Variants in RAB3B observed in about 807,000 individuals in gnomAD.
The protein encoded by RAB3B is RAB3B, member RAS oncogene family, also known as ras-related protein Rab-3B.
Under a neutral mutation model 20.5 loss-of-function variants are expected in RAB3B, and 11 were observed. That is an observed-to-expected ratio of 0.54 (90% CI 0.34 to 0.89). The LOEUF is 0.89. Among genes scored for constraint, RAB3B ranks in the 40% least tolerant of loss-of-function variants. The pLI, the probability that RAB3B is intolerant of heterozygous loss-of-function variation, is 0.02. For synonymous variants in RAB3B, 99 were observed against 106.3 expected, an observed-to-expected ratio of 0.93 and a Z score of 0.42; for missense variants, 225 against 280.9, an observed-to-expected ratio of 0.80 and a Z score of 1.42.
chr1:51,925,869 G>A (rs1006460015), intron 4 of RAB3B, among the ~76,000 whole-genome samples: 2 of 152,186 alleles, frequency 1.3e-5, no homozygotes, highest in African/African-American at 4.8e-5. Context: ...GAATATTGAG[G>A]AAACCCAGAG....
intron 2 of RAB3B, among the ~76,000 whole-genome samples, chr1:51,949,088 C>A (rs373624349): frequency 2.6e-5 from 4 of 152,276 alleles, no homozygotes; most frequent in Admixed American, 2.6e-4. Context: ...AGATAAAGAC[C>A]CTTCAGGATC....
At chr1:51,937,630 T>C (rs1013384071) in intron 2 of RAB3B, among the ~76,000 whole-genome samples, 1 of 151,996 alleles carries the variant, frequency 6.6e-6, no homozygotes, top group African/African-American at 2.4e-5. Context: ...CCCGAGTGGC[T>C]GGGATTACAA....
intron 2 of RAB3B, among the ~76,000 whole-genome samples, chr1:51,954,422 C>T (rs1470484899): frequency 6.6e-6 from 1 of 152,206 alleles, no homozygotes; most frequent in Non-Finnish European, 1.5e-5. Flanking sequence ...CTTCTTTATG[C>T]TTGGCTGTGA....
chr1:51,976,184 G>A (rs1685006726), intron 2 of RAB3B, among the ~76,000 whole-genome samples: 1 of 140,322 alleles, frequency 7.1e-6, no homozygotes, highest in Non-Finnish European at 1.6e-5. Context: ...TTATTTATTT[G>A]AGATGGAGTC....
At chr1:51,956,515 A>C (rs1199459164) in intron 2 of RAB3B, among the ~76,000 whole-genome samples, 1 of 152,174 alleles carries the variant, frequency 6.6e-6, no homozygotes, top group African/African-American at 2.4e-5. Context: ...TAACAATTTC[A>C]CTGCCTTCAG....
At chr1:51,949,598 G>A (rs1470785774) in intron 2 of RAB3B, among the ~76,000 whole-genome samples, 1 of 152,228 alleles carries the variant, frequency 6.6e-6, no homozygotes, top group Non-Finnish European at 1.5e-5. Context: ...GCTTGACCAG[G>A]CATGTCACCC....
In RAB3B at chr1:51,937,439, C is replaced by G. The variant is rs761688186; in HGVS notation, c.229-27G>C. 5.4e-6 allele frequency: 8 copies of G among 1,492,772 alleles called. 1 individual carries two copies. The South Asian group carries it at 8.9e-5, about 17-fold the overall frequency. 92.5% of individuals were successfully genotyped at this position (1,492,772 alleles called of 1,614,324 possible). On this transcript the variant is annotated intron_variant, in intron 2 of 4. Coordinates refer to ENST00000371655, the MANE Select transcript of RAB3B (RefSeq NM_002867.4). ...TGGGCAGGAAAAGAAAAGAAACAAT[C>G]TCTTAGAAAGTCTGCTTTGGTTCCT...
rs1684111299 is a variant in RAB3B at position 51,917,935 on chromosome 1, G to A, written c.*1992C>T. The A allele has an allele frequency of 6.6e-6, 1 of 152,126 alleles. No individual in the cohort carries two copies. The highest frequency in any genetic ancestry group is 2.1e-4 in the South Asian group (1 of 4,826). 9.4% of individuals were successfully genotyped at this position (152,126 alleles called of 1,614,324 possible). A position where few individuals can be genotyped will look rare whatever the true frequency, so the allele number is the denominator to read the frequency against. On this transcript the variant is annotated 3_prime_UTR_variant, in exon 5 of 5. Coordinates refer to ENST00000371655, the MANE Select transcript of RAB3B (RefSeq NM_002867.4). ...CCTCATTTGAAATGAAAAGAAAACT[G>A]GCGAGAGACTCCTCCTGCCCGCTGA...
At chr1:51,927,713 A>G (rs1004839784) in intron 4 of RAB3B, among the ~76,000 whole-genome samples, 2 of 152,190 alleles carry the variant, frequency 1.3e-5, no homozygotes, top group African/African-American at 4.8e-5. Flanking sequence ...TGAGGCAGGA[A>G]GATTGCTTGA....
rs1269121992 is a variant in RAB3B, at chr1:51,918,572, T to C, written c.*1355A>G. 6.6e-6 allele frequency: 1 copy of C among 152,176 alleles called. No individual in the cohort carries two copies. The highest frequency in any genetic ancestry group is 2.4e-5 in the African/African-American group (1 of 41,432). 9.4% of individuals were successfully genotyped at this position (152,176 alleles called of 1,614,324 possible). ...TTCCAGGAGGCAGATTTGAGCTCGA[T>C]ACAAGGAAAACTTTCTATGAGAGTT... On this transcript the variant is annotated 3_prime_UTR_variant, in exon 5 of 5. Coordinates refer to ENST00000371655, the MANE Select transcript of RAB3B (RefSeq NM_002867.4).
chr1:51,974,212 G>A (rs926059066), intron 2 of RAB3B, among the ~76,000 whole-genome samples: 17 of 152,218 alleles, frequency 1.1e-4, no homozygotes, highest in African/African-American at 3.9e-4. Flanking sequence ...GCATGGAACT[G>A]TAAGGATGAT....
chr1:51,984,578 T>C (rs1236143845), intron 1 of RAB3B, among the ~76,000 whole-genome samples: 1 of 151,842 alleles, frequency 6.6e-6, no homozygotes, highest in East Asian at 1.9e-4. Context: ...TTAATAGAGA[T>C]GGGGTTTCAC....
At chr1:51,949,569 G>A (rs1684608765) in intron 2 of RAB3B, among the ~76,000 whole-genome samples, 1 of 152,248 alleles carries the variant, frequency 6.6e-6, no homozygotes, top group Non-Finnish European at 1.5e-5. Flanking sequence ...ATGAGAGCAG[G>A]CTTTGTGAGG....
intron 1 of RAB3B, among the ~76,000 whole-genome samples, chr1:51,988,552 C>G (rs1246880473): frequency 6.6e-6 from 1 of 152,232 alleles, no homozygotes; most frequent in Non-Finnish European, 1.5e-5. Flanking sequence ...AGTGGCCTCT[C>G]TCTTTGTACA....
rs990281852 is a variant in RAB3B at position 51,910,999 on chromosome 1, G to A, written c.*8928C>T. ...GCTATTTGGCCACTTAAAAAAGACA[G>A]AAGAGAAGTAAACAGAAGCATATAC... On this transcript the variant is annotated 3_prime_UTR_variant, in exon 5 of 5. Transcript: ENST00000371655. The A allele has an allele frequency of 2.6e-5, 4 of 152,194 alleles. No individual in the cohort carries two copies. The highest frequency in any genetic ancestry group is 5.9e-5 in the Non-Finnish European group (4 of 68,042). 9.4% of individuals were successfully genotyped at this position (152,194 alleles called of 1,614,324 possible). A position where few individuals can be genotyped will look rare whatever the true frequency, so the allele number is the denominator to read the frequency against.
intron 1 of RAB3B, among the ~76,000 whole-genome samples, chr1:51,979,036 G>GT (rs1557977822): frequency 6.6e-6 from 1 of 152,152 alleles, no homozygotes; most frequent in African/African-American, 2.4e-5. Context: ...ATCTGAGACT[G>GT]TAAGTTCCAT....
At chr1:51,928,422 A>G (rs1333007784) in intron 4 of RAB3B, among the ~76,000 whole-genome samples, 4 of 152,212 alleles carry the variant, frequency 2.6e-5, no homozygotes, top group Non-Finnish European at 5.9e-5. Flanking sequence ...GCTTTAATAA[A>G]CACGAATTGT....
At chr1:51,983,628 C>T (rs1685115082) in intron 1 of RAB3B, among the ~76,000 whole-genome samples, 1 of 152,120 alleles carries the variant, frequency 6.6e-6, no homozygotes, top group Non-Finnish European at 1.5e-5. Context: ...TACTTAAATA[C>T]TACAAAAATT....
intron 2 of RAB3B, among the ~76,000 whole-genome samples, chr1:51,954,927 C>T (rs1053807365): frequency 6.6e-6 from 1 of 152,176 alleles, no homozygotes; most frequent in Non-Finnish European, 1.5e-5. Flanking sequence ...TCTTGAATGC[C>T]AGGTCAAGGT....
Sources: allele counts gnomAD v4.1 joint callset (sites outside exome capture counted in the v4.1 genomes callset), GRCh38; gene constraint gnomAD v4.1.1; transcripts MANE v1.5; gene names NCBI Gene and HGNC (gene_info 2026-07-23, HGNC 2026-07-21).